Variants in MAST4 observed in about 807,000 individuals in gnomAD.
MAST4 encodes the protein microtubule-associated serine/threonine-protein kinase 4.
Under a neutral mutation model 162.7 loss-of-function variants are expected in MAST4, and 89 were observed. The ratio of observed to expected loss-of-function variants is 0.55; its 90% CI spans 0.46 to 0.65. The LOEUF (loss-of-function observed/expected upper bound fraction) is 0.65. Ranked by LOEUF, MAST4 falls within the 30% of genes least tolerant of loss-of-function variation. The pLI is 0.00. For missense variants in MAST4, 3,153 were observed against 3,374.0 expected, an observed-to-expected ratio of 0.93 and a Z score of 1.62; for synonymous variants, 1,479 against 1,361.1, an observed-to-expected ratio of 1.09 and a Z score of -1.91.
In MAST4 at chr5:67,165,531, G is replaced by T; in HGVS notation, c.6352G>T (p.Glu2118Ter). The part of the protein sequence containing the change: ...FPSLQKDGAK[E>*]PERKEQPLQR... ...ATCTTTGCAGAAAGATGGTGCCAAG[G>T]AACCTGAAAGGAAGGAGCAGCCTCT... The change falls in exon 29 of 29, where the codon GAA becomes TAA. Residue 2118 changes from glutamate (E) to a stop codon, truncating the protein, a stop_gained. Transcript: ENST00000403625. LOFTEE classifies it low-confidence loss of function (END_TRUNC). 6.2e-7 allele frequency: 1 copy of T among 1,613,968 alleles called. No individual in the cohort carries two copies. The highest frequency in any genetic ancestry group is 8.5e-7 in the Non-Finnish European group (1 of 1,179,878).
At chr5:67,120,234 G>T (rs1217611691) in intron 13 of MAST4, among the ~76,000 whole-genome samples, 1 of 152,124 alleles carries the variant, frequency 6.6e-6, no homozygotes, top group Non-Finnish European at 1.5e-5. Flanking sequence ...GAGGAAGGTG[G>T]GTAGCCAAGT....
At chr5:66,932,615 G>C (rs1742302312) in intron 4 of MAST4, among the ~76,000 whole-genome samples, 1 of 152,180 alleles carries the variant, frequency 6.6e-6, no homozygotes, top group Non-Finnish European at 1.5e-5. Context: ...TGATCTGAAA[G>C]CTGCATTATA....
intron 4 of MAST4, among the ~76,000 whole-genome samples, chr5:66,942,280 C>A (rs1743452231): frequency 6.6e-6 from 1 of 152,098 alleles, no homozygotes; most frequent in African/African-American, 2.4e-5. Context: ...GCTTTCACAA[C>A]ATATTCTAAA....
Position 67,078,910 on chromosome 5 carries a change from A to AAATAAATATATATATAT in MAST4, c.764-11248_764-11247insAATATATATATATAATA, listed in dbSNP as rs1491289898. Among the ~76,000 whole-genome samples, 155 of 22,118 alleles carry AAATAAATATATATATAT rather than the reference A, an allele frequency of 7.0e-3. 1 individual carries two copies. The highest frequency in any genetic ancestry group is 8.9e-3 in the Non-Finnish European group (117 of 13,082). The allele number at this position is 22,118 out of a possible 152,430, so 14.5% of individuals were successfully genotyped here. On this transcript the variant is annotated intron_variant, in intron 5 of 28. Transcript: ENST00000403625. Reference sequence around the variant, plus strand: ...TTTATATATTTATATATTTTTATATAAATATATATATATATATATATATAT... The same window carrying AAATAAATATATATATAT: ...TTTATATATTTATATATTTTTATATAAATAAATATATATATATAATATATATATATATATATATATAT...
intron 3 of MAST4, among the ~76,000 whole-genome samples, chr5:66,790,127 C>CT (rs1466017280): frequency 6.7e-6 from 1 of 149,614 alleles, no homozygotes; most frequent in Non-Finnish European, 1.5e-5. Context: ...TTTTAAACAC[C>CT]TTTTATTGAT....
At chr5:67,133,190 A>AT (rs1045351384) in intron 16 of MAST4, among the ~76,000 whole-genome samples, 15 of 148,396 alleles carry the variant, frequency 1.0e-4, no homozygotes, top group African/African-American at 3.7e-4. Context: ...TTATTTTCTT[A>AT]TTGTGAAAAT....
intron 3 of MAST4, among the ~76,000 whole-genome samples, chr5:66,845,126 T>TATATATACACACAC (rs1358855625): frequency 1.3e-4 from 9 of 67,174 alleles, no homozygotes; most frequent in South Asian, 1.3e-3. Flanking sequence ...TATATATATA[T>TATATATACACACAC]ACACACACAC....
chr5:67,099,490 A>G (rs1467262705), intron 7 of MAST4, among the ~76,000 whole-genome samples: 1 of 152,058 alleles, frequency 6.6e-6, no homozygotes, highest in East Asian at 1.9e-4. Flanking sequence ...TACTCTTAAT[A>G]TAATGATTTT....
intron 1 of MAST4, among the ~76,000 whole-genome samples, chr5:66,727,708 A>G (rs1751608093): frequency 6.6e-6 from 1 of 152,024 alleles, no homozygotes; most frequent in African/African-American, 2.4e-5. Context: ...GGAGAGGGCT[A>G]TCGTTTTTTT....
In MAST4 at chr5:67,100,451, A is replaced by G. The variant is rs1444414487; in HGVS notation, c.929A>G (p.Gln310Arg). 1.2e-6 allele frequency: 2 copies of G among 1,613,696 alleles called. No homozygotes were observed. The highest frequency in any genetic ancestry group is 1.7e-6 in the Non-Finnish European group (2 of 1,179,840). Residue 310 changes from glutamine (Q) to arginine (R), a missense_variant, in exon 8 of 29, where the codon CAG becomes CGG. Gln to Arg is a conservative substitution (Grantham distance 43). Coordinates refer to ENST00000403625, the MANE Select transcript of MAST4 (RefSeq NM_001164664.2). ...TTTTTTCAGTCATCCTGTTCCTCCC[A>G]GGAGAAGTTGCATCAGTTACCATAC... Reference protein sequence around the residue: ...SSTVSSSCSSQEKLHQLPYQP... With the variant: ...SSTVSSSCSSREKLHQLPYQP...
chr5:66,989,259 C>T (rs1308262207), intron 4 of MAST4, among the ~76,000 whole-genome samples: 2 of 152,114 alleles, frequency 1.3e-5, no homozygotes, highest in African/African-American at 4.8e-5. Flanking sequence ...TCAAACCGCA[C>T]CTGCCCCTCC....
At chr5:66,751,994 A>G (rs1275383831) in intron 1 of MAST4, among the ~76,000 whole-genome samples, 3 of 151,896 alleles carry the variant, frequency 2.0e-5, no homozygotes, top group Middle Eastern at 3.2e-3. Context: ...AATATTCAAC[A>G]TTCTTAAAGA....
At chr5:66,817,388 A>G (rs922115205) in intron 3 of MAST4, among the ~76,000 whole-genome samples, 4 of 152,212 alleles carry the variant, frequency 2.6e-5, no homozygotes, top group South Asian at 2.1e-4. Flanking sequence ...AATGATAAGT[A>G]TATAAAATTA....
chr5:66,980,883 G>T (rs1748722074), intron 4 of MAST4, among the ~76,000 whole-genome samples: 1 of 152,196 alleles, frequency 6.6e-6, no homozygotes, highest in Non-Finnish European at 1.5e-5. Context: ...AGAGCCTTCT[G>T]CTTCTGACGT....
Position 67,019,425 on chromosome 5 carries a change from C to T in MAST4, c.675-34979C>T, listed in dbSNP as rs143734105. On this transcript the variant is annotated intron_variant, in intron 4 of 28. Transcript: ENST00000403625. Reference sequence around the variant, plus strand: ...ATACTAATGCTAGCTCAGAAACACTCCAATTACCATCTCCCCACAGGCTTA... The same window carrying T: ...ATACTAATGCTAGCTCAGAAACACTTCAATTACCATCTCCCCACAGGCTTA... Among the ~76,000 whole-genome samples the T allele has an allele frequency of 4.3e-3, 648 of 152,332 alleles. 2 individuals carry two copies. The highest frequency in any genetic ancestry group is 0.01 in the Middle Eastern group (3 of 294).
intron 1 of MAST4, among the ~76,000 whole-genome samples, chr5:66,725,651 C>G (rs139818620): frequency 2.8e-4 from 42 of 152,290 alleles, no homozygotes; most frequent in Middle Eastern, 3.4e-3. Flanking sequence ...TTTCTGATAT[C>G]TTTTGGTCAG....
At chr5:66,955,161 G>A (rs1046296669) in intron 4 of MAST4, among the ~76,000 whole-genome samples, 3 of 150,196 alleles carry the variant, frequency 2.0e-5, no homozygotes, top group African/African-American at 5.0e-5. Context: ...GCAGTGAGCC[G>A]TAATAGTGCC....
intron 5 of MAST4, among the ~76,000 whole-genome samples, chr5:67,084,208 T>C (rs1762980964): frequency 6.6e-6 from 1 of 152,204 alleles, no homozygotes; most frequent in Non-Finnish European, 1.5e-5. Context: ...CATCAGTCAT[T>C]CCTTAGAAAA....
At chr5:66,947,044 T>C (rs1744112686) in intron 4 of MAST4, among the ~76,000 whole-genome samples, 1 of 152,200 alleles carries the variant, frequency 6.6e-6, no homozygotes, top group Non-Finnish European at 1.5e-5. Context: ...TATGGTCCAG[T>C]ATTTATGAGG....
Sources: allele counts gnomAD v4.1 joint callset (sites outside exome capture counted in the v4.1 genomes callset), GRCh38; gene constraint gnomAD v4.1.1; transcripts MANE v1.5; gene names NCBI Gene and HGNC (gene_info 2026-07-23, HGNC 2026-07-21).